PTPRT: variants seen among roughly 807,000 people sequenced by gnomAD.
The protein encoded by PTPRT is receptor-type tyrosine-protein phosphatase T.
In PTPRT, 56 loss-of-function variants were observed where a neutral mutation model predicts 176.8. That is an observed-to-expected ratio of 0.32 (90% CI 0.26 to 0.40). PTPRT has a LOEUF of 0.40. Ranked by LOEUF, PTPRT falls within the 10% of genes least tolerant of loss-of-function variation. The probability of loss-of-function intolerance (pLI) is 1.00; values close to 1 mark genes in which losing one functional copy is unlikely to be tolerated. For synonymous variants in PTPRT, 783 were observed against 739.0 expected, an observed-to-expected ratio of 1.06 and a Z score of -0.96; for missense variants, 1,540 against 1,908.2, an observed-to-expected ratio of 0.81 and a Z score of 3.60.
chr20:42,299,193 G>A (rs1193106573), intron 12 of PTPRT, among the ~76,000 whole-genome samples: 1 of 152,078 alleles, frequency 6.6e-6, no homozygotes. Flanking sequence ...GTACAGCTAG[G>A]CTTTTAGAAC....
intron 7 of PTPRT, among the ~76,000 whole-genome samples, chr20:42,590,709 CT>C (rs895374942): frequency 1.7e-4 from 26 of 152,068 alleles, no homozygotes; most frequent in African/African-American, 5.8e-4. Context: ...GAAAACAGAG[CT>C]TTTCATTCAT....
chr20:42,674,113 A>G (rs1237261253), intron 7 of PTPRT, among the ~76,000 whole-genome samples: 1 of 152,202 alleles, frequency 6.6e-6, no homozygotes, highest in Non-Finnish European at 1.5e-5. Context: ...ACCAACACCA[A>G]TAAACACCAC....
chr20:42,885,676 G>A (rs1239130984), intron 2 of PTPRT, 131 bp downstream of exon 2: 3 of 1,172,992 alleles, frequency 2.6e-6, no homozygotes, highest in African/African-American at 1.6e-5. Flanking sequence ...CTGAGTGTGG[G>A]GAACTCACTA....
intron 1 of PTPRT, among the ~76,000 whole-genome samples, chr20:43,006,656 T>A (rs1180241743): frequency 6.6e-6 from 1 of 152,204 alleles, no homozygotes; most frequent in African/African-American, 2.4e-5. Flanking sequence ...TCTTTGTTTT[T>A]CTCCCATTAA....
At chr20:42,205,312 CCTT>C (rs2055427857) in intron 15 of PTPRT, among the ~76,000 whole-genome samples, 1 of 152,146 alleles carries the variant, frequency 6.6e-6, no homozygotes, top group Admixed American at 6.5e-5. Flanking sequence ...GTCTTTGCCT[CCTT>C]CCCAAAGTTA....
At chr20:42,534,866 G>C (rs771667772) in intron 7 of PTPRT, among the ~76,000 whole-genome samples, 1 of 152,108 alleles carries the variant, frequency 6.6e-6, no homozygotes, top group Non-Finnish European at 1.5e-5. Context: ...TAAGGTGACT[G>C]TGGGAATAAA....
intron 7 of PTPRT, among the ~76,000 whole-genome samples, chr20:42,566,292 T>C (rs1204553054): frequency 1.3e-5 from 2 of 152,028 alleles, no homozygotes; most frequent in East Asian, 1.9e-4. Context: ...TGCAGCACCA[T>C]GCCCAGCTAA....
intron 6 of PTPRT, among the ~76,000 whole-genome samples, chr20:42,702,608 C>T (rs902039984): frequency 6.6e-6 from 1 of 152,170 alleles, no homozygotes; most frequent in Admixed American, 6.5e-5. Flanking sequence ...CCGTCCAGCA[C>T]CCCTGGGAGG....
At chr20:42,325,327 T>A (rs1210833526) in intron 11 of PTPRT, among the ~76,000 whole-genome samples, 1 of 152,208 alleles carries the variant, frequency 6.6e-6, no homozygotes, top group African/African-American at 2.4e-5. Flanking sequence ...GCTTTGTTTC[T>A]TATTTGGGCC....
At position 42,221,200 on chromosome 20, in the gene PTPRT, C is replaced by T. The variant is rs186079496; in HGVS notation, c.2342+15029G>A. On this transcript the variant is annotated intron_variant, in intron 15 of 30. Transcript: ENST00000373187. ...TGTATTTTTAGTAGAGATGGGGTTT[C>T]GCCATGTTGGCCAGGGTGGTCTTGA... Among the ~76,000 whole-genome samples the T allele has an allele frequency of 6.2e-3, 940 of 152,204 alleles. 7 individuals are homozygous for T. Among genetic ancestry groups the T allele is most frequent in the African/African-American group, 0.022 (911 of 41,528 alleles).
chr20:42,292,137 C>T (rs768435023), intron 12 of PTPRT, among the ~76,000 whole-genome samples: 4 of 152,050 alleles, frequency 2.6e-5, no homozygotes, highest in Non-Finnish European at 5.9e-5. Flanking sequence ...CTCACGCATA[C>T]GGATCAGCCT....
intron 13 of PTPRT, among the ~76,000 whole-genome samples, chr20:42,272,696 C>T (rs150589228): frequency 1.9e-4 from 29 of 149,502 alleles, no homozygotes; most frequent in African/African-American, 5.0e-4. Flanking sequence ...TATATGTGCG[C>T]GCATGCGTGC....
chr20:42,936,897 G>A (rs1396740308), intron 1 of PTPRT, among the ~76,000 whole-genome samples: 2 of 152,226 alleles, frequency 1.3e-5, no homozygotes, highest in African/African-American at 4.8e-5. Context: ...AGTTTTGGAA[G>A]TGGTAGAAAA....
chr20:42,111,419 C>G (rs1014346656), intron 22 of PTPRT, among the ~76,000 whole-genome samples: 1 of 152,210 alleles, frequency 6.6e-6, no homozygotes. Flanking sequence ...ATCCCTGGAA[C>G]AGCTCATGGC....
chr20:42,110,262 G>A lies in PTPRT; in HGVS notation c.3254+71C>T, dbSNP rs144124221. 494 of 1,431,312 alleles carry A rather than the reference G, an allele frequency of 3.5e-4. 1 individual carries two copies. In the African/African-American group the frequency reaches 6.4e-3, roughly 18 times the overall value. The allele number at this position is 1,431,312 out of a possible 1,614,324, so 88.7% of individuals were successfully genotyped here. A position where few individuals can be genotyped will look rare whatever the true frequency, so the allele number is the denominator to read the frequency against. Reference sequence around the variant, plus strand: ...AGACGAGGTTTCACCACGTTGGCCAGGCTGGTCTCGAACTCCTGACCTCGT... The same window carrying A: ...AGACGAGGTTTCACCACGTTGGCCAAGCTGGTCTCGAACTCCTGACCTCGT... On this transcript the variant is annotated intron_variant, in intron 23 of 30. Coordinates refer to ENST00000373187, the MANE Select transcript of PTPRT (RefSeq NM_007050.6).
chr20:42,422,842 C>A (rs2059130915), intron 9 of PTPRT, among the ~76,000 whole-genome samples: 1 of 152,154 alleles, frequency 6.6e-6, no homozygotes, highest in Non-Finnish European at 1.5e-5. Context: ...GATACATATA[C>A]ACCATGGAAT....
chr20:42,363,136 ATT>A (rs1716367551), intron 9 of PTPRT, among the ~76,000 whole-genome samples: 1 of 141,830 alleles, frequency 7.1e-6, no homozygotes, highest in African/African-American at 2.5e-5. Context: ...AGAACTAAAT[ATT>A]TTTTTTAAAA....
intron 7 of PTPRT, among the ~76,000 whole-genome samples, chr20:42,545,321 G>A (rs180966153): frequency 6.6e-6 from 1 of 152,212 alleles, no homozygotes; most frequent in Admixed American, 6.5e-5. Context: ...TTAATCCAGG[G>A]GTTCATCAAA....
intron 25 of PTPRT, 80 bp from the exon 26 acceptor site, chr20:42,102,377 A>C: frequency 6.1e-6 from 9 of 1,468,632 alleles, no homozygotes; most frequent in Non-Finnish European, 9.3e-7. Context: ...GTTCCAACTC[A>C]GCCTAACTCG....
Sources: allele counts gnomAD v4.1 joint callset (sites outside exome capture counted in the v4.1 genomes callset), GRCh38; gene constraint gnomAD v4.1.1; transcripts MANE v1.5; gene names NCBI Gene and HGNC (gene_info 2026-07-23, HGNC 2026-07-21).